MMP2: variants seen among roughly 807,000 people sequenced by gnomAD.
The protein encoded by MMP2 is 72 kDa type IV collagenase.
A neutral mutation model predicts 74.8 loss-of-function variants in MMP2; 39 were observed. That is an observed-to-expected ratio of 0.52 (90% confidence interval 0.40 to 0.68). The LOEUF (loss-of-function observed/expected upper bound fraction) is 0.68, where lower values mean the gene tolerates loss of function less well. Among genes scored for constraint, MMP2 ranks in the 30% least tolerant of loss-of-function variants. The pLI is 0.00. For missense variants in MMP2, 803 were observed against 878.3 expected (o/e 0.91, Z 1.08); for synonymous variants, 367 against 339.8 (o/e 1.08, Z -0.88).
Position 55,502,828 on chromosome 16 carries a change from G to T in MMP2, c.1819G>T (p.Ala607Ser). 6.2e-7 allele frequency: 1 copy of T among 1,614,092 alleles called. No homozygotes were observed. Among genetic ancestry groups the T allele is most frequent in the Non-Finnish European group, 8.5e-7 (1 of 1,180,020 alleles). ...KMDPGFPKLIADAWNAIPDNL... is the reference protein window; with the variant it reads ...KMDPGFPKLISDAWNAIPDNL... ...GGATCCTGGCTTCCCCAAGCTCATC[G>T]CAGATGCCTGGAATGCCATCCCCGA... Residue 607 changes from alanine (A) to serine (S), a missense_variant, in exon 12 of 13, where the codon GCA (alanine) becomes TCA (serine). Transcript: ENST00000219070.
chr16:55,479,821 G>T (rs1330614285), intron 1 of MMP2, among the ~76,000 whole-genome samples, 189 bp downstream of exon 1: 1 of 152,090 alleles, frequency 6.6e-6, no homozygotes, highest in Non-Finnish European at 1.5e-5. Context: ...TCTTTTGTAA[G>T]CAAAGAAAAC....
intron 5 of MMP2, chr16:55,486,865 C>G (rs752614269): frequency 2.6e-5 from 4 of 152,114 alleles, no homozygotes; most frequent in African/African-American, 7.2e-5. Context: ...CTCCCTAACC[C>G]CACTGTAACT....
intron 3 of MMP2, among the ~76,000 whole-genome samples, chr16:55,484,803 G>C (rs1327495473): frequency 6.6e-6 from 1 of 152,204 alleles, no homozygotes; most frequent in Non-Finnish European, 1.5e-5. Context: ...AGTGATGAAG[G>C]TAAAGAGCAG....
chr16:55,491,991 GA>G, intron 8 of MMP2, 35 bp downstream of exon 8: 5 of 1,382,184 alleles, frequency 3.6e-6, no homozygotes, highest in Non-Finnish European at 4.0e-6. Context: ...GGTGGAGGGT[GA>G]GGAGGGGGGA....
intron 9 of MMP2, among the ~76,000 whole-genome samples, chr16:55,496,110 T>C (rs1219070245): frequency 1.3e-5 from 2 of 152,246 alleles, no homozygotes; most frequent in African/African-American, 2.4e-5. Context: ...TCTGGAAGGC[T>C]TGTTAAAACA....
chr16:55,483,107 A>G lies in MMP2; in HGVS notation c.352A>G (p.Lys118Glu), dbSNP rs776885195. 1.2e-6 allele frequency: 2 copies of G among 1,614,004 alleles called. No homozygotes were observed. Reference sequence around the variant, plus strand: ...CTACAACTTCTTCCCTCGCAAGCCCAAGTGGGACAAGAACCAGATCACATA... The same window carrying G: ...CTACAACTTCTTCCCTCGCAAGCCCGAGTGGGACAAGAACCAGATCACATA... ...ANYNFFPRKP[K>E]WDKNQITYRI... Residue 118 changes from lysine to glutamate, a missense_variant, in exon 2 of 13, where the codon AAG becomes GAG. Lys to Glu is a moderately conservative substitution (Grantham distance 56). This residue lies in a region of MMP2 where 223 missense variants were observed against 232.8 expected (regional missense o/e 0.96). Transcript: ENST00000219070.
In MMP2 at chr16:55,488,579, C is replaced by T; in HGVS notation, c.869C>T (p.Pro290Leu). 1 of 1,613,972 alleles carries T rather than the reference C, an allele frequency of 6.2e-7. No individual in the cohort carries two copies. Among genetic ancestry groups the T allele is most frequent in the Non-Finnish European group, 8.5e-7 (1 of 1,179,964 alleles). ...FTMGGNAEGQ[P>L]CKFPFRFQGT... Reference sequence around the variant, plus strand: ...ATGGGCGGCAACGCTGAAGGACAGCCCTGCAAGTTTCCATTCCGCTTCCAG... The same window carrying T: ...ATGGGCGGCAACGCTGAAGGACAGCTCTGCAAGTTTCCATTCCGCTTCCAG... The change falls in exon 6 of 13, where the codon CCC becomes CTC. Residue 290 changes from proline to leucine, a missense_variant. This residue lies in a region of MMP2 where 555 missense variants were observed against 592.0 expected (regional missense o/e 0.94). Coordinates refer to ENST00000219070, the MANE Select transcript of MMP2 (RefSeq NM_004530.6).
chr16:55,496,914 G>A lies in MMP2; in HGVS notation c.1473-12G>A. 6.2e-7 allele frequency: 1 copy of A among 1,613,638 alleles called. No individual in the cohort carries two copies. Among genetic ancestry groups the A allele is most frequent in the South Asian group, 1.1e-5 (1 of 91,084 alleles). On this transcript the variant is annotated splice_polypyrimidine_tract_variant and intron_variant, in intron 9 of 12. Transcript: ENST00000219070. ...AAGATGTGGTTTCCTGTGCCCCCTT[G>A]CCTCCTGCCAGGTTCATTTGGCGGA...
intron 1 of MMP2, among the ~76,000 whole-genome samples, chr16:55,481,166 G>A (rs1457382420): frequency 1.1e-4 from 16 of 152,182 alleles, no homozygotes; most frequent in Admixed American, 9.8e-4. Flanking sequence ...TGGGCTGCTG[G>A]ACTGAGTATA....
intron 10 of MMP2, among the ~76,000 whole-genome samples, chr16:55,497,990 CA>C (rs1241891462): frequency 6.6e-5 from 10 of 152,314 alleles, no homozygotes; most frequent in Admixed American, 5.9e-4. Flanking sequence ...CACCTTTTTG[CA>C]AATTAGCAAA....
At chr16:55,498,741 A>C (rs1416856417) in intron 11 of MMP2, among the ~76,000 whole-genome samples, 1 of 152,200 alleles carries the variant, frequency 6.6e-6, no homozygotes, top group African/African-American at 2.4e-5. Context: ...CTCACTGAAG[A>C]AGGGGGTAAT....
chr16:55,481,958 A>C, intron 1 of MMP2: 1 of 636,726 alleles, frequency 1.6e-6, no homozygotes, highest in Non-Finnish European at 2.9e-6. Flanking sequence ...TTTCCTAACT[A>C]CTTCCAACAA....
intron 5 of MMP2, 116 bp from the exon 6 acceptor site, chr16:55,488,424 TTAA>T (rs1962310932): frequency 9.9e-7 from 1 of 1,013,714 alleles, no homozygotes; most frequent in South Asian, 1.4e-5. Context: ...AGATGTTTTC[TTAA>T]TATTTTAACA....
upstream of MMP2, chr16:55,479,124 C>A (rs986046511): frequency 4.5e-5 from 8 of 176,060 alleles, no homozygotes; most frequent in Non-Finnish European, 8.3e-5. Flanking sequence ...GTGCGCCCCC[C>A]GCCCCCAGCC....
chr16:55,486,399 G>A (rs534595283), intron 5 of MMP2, among the ~76,000 whole-genome samples: 44 of 148,358 alleles, frequency 3.0e-4, no homozygotes, highest in African/African-American at 8.4e-4. Context: ...GTCTGGGCAC[G>A]GGGGCTATAC....
intron 12 of MMP2, 99 bp downstream of exon 12, chr16:55,502,987 C>G: frequency 1.0e-6 from 1 of 982,852 alleles, no homozygotes; most frequent in Non-Finnish European, 1.6e-6. Context: ...GCAGGGCAGG[C>G]AGGCAGGCGG....
At chr16:55,483,957 G>C in intron 2 of MMP2, 59 bp from the exon 3 acceptor site, 1 of 1,570,270 alleles carries the variant, frequency 6.4e-7, no homozygotes, top group Non-Finnish European at 8.8e-7. Flanking sequence ...ACACATACTT[G>C]CATATACATA....
At chr16:55,498,142 T>C in intron 10 of MMP2, 147 bp from the exon 11 acceptor site, 1 of 1,023,860 alleles carries the variant, frequency 9.8e-7, no homozygotes, top group South Asian at 1.3e-5. Context: ...GAGCCCTGAT[T>C]CTGGGCACTG....
rs755041898 is a variant in MMP2, at chr16:55,489,829, G to A, written c.1180+5G>A. The A allele has an allele frequency of 1.4e-5, 22 of 1,613,620 alleles. No individual in the cohort carries two copies. Among genetic ancestry groups the A allele is most frequent in the East Asian group, 4.5e-5 (2 of 44,870 alleles). On this transcript the variant is annotated splice_donor_5th_base_variant and intron_variant, in intron 7 of 12. Coordinates refer to ENST00000219070, the MANE Select transcript of MMP2 (RefSeq NM_004530.6). ...GGGGCTTCTGCCCTGACCAAGGTAC[G>A]AGGCCCTGGTCATTGGACAGAGACC...
Sources: gnomAD v4.1 joint callset for allele counts (sites outside exome capture counted in the v4.1 genomes callset) on GRCh38, gnomAD v4.1.1 for gene constraint, gnomAD v4.1.1 regional missense constraint, MANE v1.5 for transcripts, NCBI Gene and HGNC (gene_info 2026-07-23, HGNC 2026-07-21) for gene names.